The following CACNA1I variants were observed in gnomAD, a reference collection of about 807,000 sequenced individuals.
CACNA1I encodes calcium voltage-gated channel subunit alpha1 I, also known as voltage-dependent T-type calcium channel subunit alpha-1I.
In CACNA1I, 74 loss-of-function variants were observed where a neutral mutation model predicts 201.6. That is an observed-to-expected ratio of 0.37 (90% CI 0.30 to 0.45). The LOEUF (loss-of-function observed/expected upper bound fraction) is 0.45, where lower values mean the gene tolerates loss of function less well. Ranked by LOEUF, CACNA1I falls within the 20% of genes least tolerant of loss-of-function variation. The probability of loss-of-function intolerance (pLI) is 1.00; values close to 1 mark genes in which losing one functional copy is unlikely to be tolerated. For synonymous variants in CACNA1I, 1,431 were observed against 1,345.2 expected (o/e 1.06, Z -1.40); for missense variants, 2,346 against 3,138.1 (o/e 0.75, Z 6.03).
Position 39,679,300 on chromosome 22 carries a change from T to G in CACNA1I, c.5249T>G (p.Leu1750Arg). The G allele has an allele frequency of 6.4e-7, 1 of 1,560,880 alleles. No individual in the cohort carries two copies. Among genetic ancestry groups the G allele is most frequent in the Non-Finnish European group, 8.7e-7 (1 of 1,153,218 alleles). Residue 1750 changes from leucine to arginine, a missense_variant, in exon 32 of 37, where the codon CTC (leucine) becomes CGC (arginine). Around this residue, in one of 13 missense-constraint regions of CACNA1I, gnomAD observed 441 missense variants for 555.6 expected, o/e 0.79. Coordinates refer to ENST00000402142, the MANE Select transcript of CACNA1I (RefSeq NM_021096.4). ...AQEDAEMDAE[L>R]ELEMAHGLGP... The stretch of plus-strand genomic sequence containing the variant: ...GAGGACGCCGAGATGGATGCCGAGC[T>G]CGAGCTGGAGATGGCCCATGGCCTG...
At position 39,649,425 on chromosome 22, in the gene CACNA1I, C is replaced by T; in HGVS notation, c.1568-76C>T. 1 of 1,386,078 alleles carries T rather than the reference C, an allele frequency of 7.2e-7. No individual in the cohort carries two copies. Among genetic ancestry groups the T allele is most frequent in the Non-Finnish European group, 9.6e-7 (1 of 1,042,960 alleles). The allele number at this position is 1,386,078 out of a possible 1,614,324, so 85.9% of individuals were successfully genotyped here. A position where few individuals can be genotyped will look rare whatever the true frequency, so the allele number is the denominator to read the frequency against. The stretch of plus-strand genomic sequence containing the variant: ...GACCTGTGGGCCTGGGAGCCAAGCG[C>T]ACTCAGGGATGTGTCCCAGGGTGGA... On this transcript the variant is annotated intron_variant, in intron 9 of 36. Coordinates refer to ENST00000402142, the MANE Select transcript of CACNA1I (RefSeq NM_021096.4). This position sits in a 1 kb window ranked among gnomAD's most constrained non-coding sequence, Gnocchi z 7.3.
intron 6 of CACNA1I, 109 bp downstream of exon 6, chr22:39,641,291 CCCAGCTT>C: frequency 1.1e-6 from 1 of 893,310 alleles, no homozygotes; most frequent in Non-Finnish European, 1.7e-6. Context: ...CTGAAACCTG[CCCAGCTT>C]GCTGGCAGAA....
At chr22:39,647,340 C>T (rs1934521876) in intron 8 of CACNA1I, among the ~76,000 whole-genome samples, 1 of 152,270 alleles carries the variant, frequency 6.6e-6, no homozygotes, top group Admixed American at 6.5e-5. Flanking sequence ...GGCTGTGGGC[C>T]TGCCCCTCAA....
intron 1 of CACNA1I, among the ~76,000 whole-genome samples, chr22:39,576,005 C>G (rs1279126239): frequency 6.6e-6 from 1 of 152,160 alleles, no homozygotes; most frequent in African/African-American, 2.4e-5. Flanking sequence ...GAACTCCTGA[C>G]CTCAAGTGAT....
At chr22:39,619,703 G>C (rs1191060460) in intron 4 of CACNA1I, among the ~76,000 whole-genome samples, 1 of 152,170 alleles carries the variant, frequency 6.6e-6, no homozygotes, top group African/African-American at 2.4e-5. Flanking sequence ...GAGTTTATGG[G>C]AGAGTGGTCT....
chr22:39,679,194 C>A lies in CACNA1I; in HGVS notation c.5143C>A (p.Leu1715Ile). 6.3e-7 allele frequency: 1 copy of A among 1,592,040 alleles called. No homozygotes were observed. Reference protein sequence around the residue: ...VSPLYFVSFVLTAQFVLINVV... With the variant: ...VSPLYFVSFVITAQFVLINVV... ...GCCGCTGTACTTCGTGAGCTTCGTG[C>A]TCACCGCGCAGTTCGTGCTCATCAA... The change falls in exon 32 of 37, where the codon CTC becomes ATC. Residue 1715 changes from leucine to isoleucine, a missense_variant. This residue lies in a region of CACNA1I where 64 missense variants were observed against 131.8 expected (regional missense o/e 0.49). Coordinates refer to ENST00000402142, the MANE Select transcript of CACNA1I (RefSeq NM_021096.4).
Position 39,663,703 on chromosome 22 carries a change from G to GC in CACNA1I, c.3474-12dup. The GC allele has an allele frequency of 4.7e-6, 4 of 851,568 alleles. No homozygotes were observed. Among genetic ancestry groups the GC allele is most frequent in the Non-Finnish European group, 3.6e-6 (2 of 561,516 alleles). 52.8% of individuals were successfully genotyped at this position (851,568 alleles called of 1,614,324 possible). A position where few individuals can be genotyped will look rare whatever the true frequency, so the allele number is the denominator to read the frequency against. ...GGCAGCTGACGCTCAGGCAGCCCCC[G>GC]CCCACCCTGCCCAGGTTCCGGGTCC... On this transcript the variant is annotated splice_polypyrimidine_tract_variant and intron_variant, in intron 18 of 36. Transcript: ENST00000402142.
intron 3 of CACNA1I, among the ~76,000 whole-genome samples, chr22:39,605,378 C>T (rs1322648034): frequency 6.6e-6 from 1 of 152,202 alleles, no homozygotes; most frequent in African/African-American, 2.4e-5. Context: ...CACCAGGCGG[C>T]TGGTCTCAAA....
chr22:39,572,706 G>A (rs1932225462), intron 1 of CACNA1I, among the ~76,000 whole-genome samples: 2 of 151,980 alleles, frequency 1.3e-5, no homozygotes, highest in South Asian at 4.2e-4. Context: ...AGGCAGAGCT[G>A]GTGTCTGTCC....
chr22:39,637,446 G>A (rs1425147218), intron 5 of CACNA1I, among the ~76,000 whole-genome samples: 1 of 152,160 alleles, frequency 6.6e-6, no homozygotes, highest in African/African-American at 2.4e-5. Context: ...CTGCGGTGTG[G>A]CGTGTGGGTT....
intron 34 of CACNA1I, 31 bp from the exon 35 acceptor site, chr22:39,682,465 C>A: frequency 6.2e-7 from 1 of 1,605,314 alleles, no homozygotes; most frequent in Non-Finnish European, 8.5e-7. Flanking sequence ...CCTTCCCAGT[C>A]CTGCCCCATC....
intron 3 of CACNA1I, among the ~76,000 whole-genome samples, chr22:39,606,204 C>G (rs1180900063): frequency 6.6e-6 from 1 of 152,148 alleles, no homozygotes; most frequent in Non-Finnish European, 1.5e-5. Context: ...CTGCCCTCGC[C>G]TCAGTGAAGT....
Position 39,680,823 on chromosome 22 carries a change from A to G in CACNA1I, c.5542-107A>G, listed in dbSNP as rs373567102. 5.2e-5 allele frequency: 66 copies of G among 1,259,214 alleles called. No individual in the cohort carries two copies. The East Asian group carries it at 6.4e-4, about 12-fold the overall frequency. 78.0% of individuals were successfully genotyped at this position (1,259,214 alleles called of 1,614,324 possible). ...AGCAGGTGTCTGGACCTTTCTGACC[A>G]CTGCTCGGCCTCTCTTCAGAGCCTC... is the stretch of plus-strand genomic sequence containing the variant. On this transcript the variant is annotated intron_variant, in intron 33 of 36. Transcript: ENST00000402142.
chr22:39,619,276 G>T, intron 3 of CACNA1I, 34 bp from the exon 4 acceptor site: 1 of 1,552,032 alleles, frequency 6.4e-7, no homozygotes, highest in South Asian at 1.1e-5. Context: ...CTGGCCTCCA[G>T]CACCATCCCT....
At chr22:39,650,984 G>A (rs1934630080) in intron 10 of CACNA1I, among the ~76,000 whole-genome samples, 1 of 152,160 alleles carries the variant, frequency 6.6e-6, no homozygotes, top group Non-Finnish European at 1.5e-5. Context: ...CCCACCTGGG[G>A]TTGACAGCCT....
At chr22:39,611,642 A>G (rs768132036) in intron 3 of CACNA1I, among the ~76,000 whole-genome samples, 53 of 152,338 alleles carry the variant, frequency 3.5e-4, no homozygotes, top group Non-Finnish European at 6.2e-4. Flanking sequence ...TGAGGCATAC[A>G]CTAAAATTAT....
chr22:39,670,824 A>G lies in CACNA1I; in HGVS notation c.4409A>G (p.Tyr1470Cys). ...GCAGAGGCCCAGCGGCTGCCCTACT[A>G]TGCCACCTATTGTCACACCCGGCTG... ...KRRKAQRLPY[Y>C]ATYCHTRLLI... Residue 1470 changes from tyrosine (Y) to cysteine (C), a missense_variant, in exon 26 of 37, where the codon TAT becomes TGT. By Grantham distance (194) the Tyr-to-Cys change is radical. This residue lies in a region of CACNA1I where 228 missense variants were observed against 395.7 expected (regional missense o/e 0.58). Coordinates refer to ENST00000402142, the MANE Select transcript of CACNA1I (RefSeq NM_021096.4). 1 of 1,613,662 alleles carries G rather than the reference A, an allele frequency of 6.2e-7. No individual in the cohort carries two copies. The highest frequency in any genetic ancestry group is 8.5e-7 in the Non-Finnish European group (1 of 1,179,816).
intron 6 of CACNA1I, 119 bp from the exon 7 acceptor site, chr22:39,642,678 C>T (rs1934379256): frequency 8.9e-6 from 6 of 675,214 alleles, no homozygotes; most frequent in East Asian, 2.7e-5. Flanking sequence ...GAGACAGACT[C>T]GAGGCAGCAT....
intron 1 of CACNA1I, among the ~76,000 whole-genome samples, chr22:39,575,701 A>C (rs1932322282): frequency 6.6e-6 from 1 of 152,076 alleles, no homozygotes; most frequent in Non-Finnish European, 1.5e-5. Context: ...TCTGGCAGCT[A>C]TGGGGAGCCA....
Sources: gnomAD v4.1 joint callset for allele counts (sites outside exome capture counted in the v4.1 genomes callset) on GRCh38, gnomAD v4.1.1 for gene constraint, gnomAD v4.1.1 regional missense constraint, Gnocchi (gnomAD v3.1) non-coding constraint, MANE v1.5 for transcripts, NCBI Gene and HGNC (gene_info 2026-07-23, HGNC 2026-07-21) for gene names.